ELF2: variants seen among roughly 807,000 people sequenced by gnomAD.
The protein encoded by ELF2 is ETS-related transcription factor Elf-2.
Under a neutral mutation model 54.8 loss-of-function variants are expected in ELF2, and 11 were observed. That is an observed-to-expected ratio of 0.20 (90% CI 0.13 to 0.33). The LOEUF (loss-of-function observed/expected upper bound fraction) is 0.33. Among genes scored for constraint, ELF2 ranks in the 10% least tolerant of loss-of-function variants. The probability of loss-of-function intolerance (pLI) is 1.00; values close to 1 mark genes in which losing one functional copy is unlikely to be tolerated. For synonymous variants in ELF2, 203 were observed against 245.1 expected, an observed-to-expected ratio of 0.83 and a Z score of 1.61; for missense variants, 513 against 703.0, an observed-to-expected ratio of 0.73 and a Z score of 3.06.
intron 4 of ELF2, among the ~76,000 whole-genome samples, chr4:139,082,938 G>A (rs1731332166): frequency 6.6e-6 from 1 of 152,196 alleles, no homozygotes; most frequent in African/African-American, 2.4e-5. Flanking sequence ...TGCAGCAGTG[G>A]CGCCGCACAT....
intron 4 of ELF2, among the ~76,000 whole-genome samples, chr4:139,088,819 C>T (rs1240933559): frequency 6.6e-6 from 1 of 151,902 alleles, no homozygotes; most frequent in Admixed American, 6.6e-5. Flanking sequence ...AGTGCAATGG[C>T]GTGATCTTGG....
At chr4:139,088,729 A>G (rs1318149360) in intron 4 of ELF2, among the ~76,000 whole-genome samples, 1 of 152,088 alleles carries the variant, frequency 6.6e-6, no homozygotes, top group Non-Finnish European at 1.5e-5. Flanking sequence ...CTAGGGGGAT[A>G]AAAGTCCCCC....
At chr4:139,140,269 C>T (rs1203078732) in intron 1 of ELF2, among the ~76,000 whole-genome samples, 1 of 152,188 alleles carries the variant, frequency 6.6e-6, no homozygotes, top group African/African-American at 2.4e-5. Flanking sequence ...ATCCAAACAT[C>T]CCAAGCCCTA....
At chr4:139,117,819 T>A (rs1419918062) in intron 4 of ELF2, 1 of 153,252 alleles carries the variant, frequency 6.5e-6, no homozygotes, top group Admixed American at 6.6e-5. Flanking sequence ...CTGGGCATAG[T>A]GGCACACACC....
chr4:139,118,737 C>T (rs2086916769), intron 4 of ELF2, among the ~76,000 whole-genome samples: 4 of 150,740 alleles, frequency 2.7e-5, no homozygotes, highest in Admixed American at 2.6e-4. Context: ...GAGACATAAA[C>T]AAAGTTAAAC....
At chr4:139,107,610 C>CTAA (rs1254907128) in intron 4 of ELF2, among the ~76,000 whole-genome samples, 1 of 152,064 alleles carries the variant, frequency 6.6e-6, no homozygotes, top group Admixed American at 6.6e-5. Flanking sequence ...AGAGAGGCAT[C>CTAA]TTTACCATGC....
At chr4:139,168,782 G>A (rs904363877) in intron 1 of ELF2, among the ~76,000 whole-genome samples, 1 of 151,966 alleles carries the variant, frequency 6.6e-6, no homozygotes, top group Non-Finnish European at 1.5e-5. Context: ...TGCCCAGGTG[G>A]GTCTCAAACT....
intron 4 of ELF2, among the ~76,000 whole-genome samples, chr4:139,122,300 C>A (rs1238591507): frequency 6.6e-6 from 1 of 152,138 alleles, no homozygotes; most frequent in African/African-American, 2.4e-5. Context: ...CAGTCAGCTT[C>A]TTCTTTAAAA....
At chr4:139,096,950 T>C (rs1201126614) in intron 4 of ELF2, among the ~76,000 whole-genome samples, 1 of 152,144 alleles carries the variant, frequency 6.6e-6, no homozygotes, top group Non-Finnish European at 1.5e-5. Flanking sequence ...TATTAGTTTC[T>C]GGTTTTATTA....
At chr4:139,114,559 T>TCACACACACACACACACACA (rs1410927721) in intron 4 of ELF2, among the ~76,000 whole-genome samples, 3 of 27,570 alleles carry the variant, frequency 1.1e-4, no homozygotes, top group African/African-American at 2.2e-4. Context: ...GAGACTTCAG[T>TCACACACACACACACACACA]CTCACACACA....
intron 1 of ELF2, among the ~76,000 whole-genome samples, chr4:139,154,178 C>T (rs1255200545): frequency 1.3e-5 from 2 of 152,144 alleles, no homozygotes; most frequent in Non-Finnish European, 1.5e-5. Context: ...AAAAGTCTAT[C>T]GGCCACTGTA....
chr4:139,130,616 A>C (rs1390557805), intron 3 of ELF2, among the ~76,000 whole-genome samples: 2 of 152,158 alleles, frequency 1.3e-5, no homozygotes, highest in African/African-American at 2.4e-5. Flanking sequence ...TAATATTACC[A>C]CTGTTCATTG....
At chr4:139,173,533 C>T (rs1371188044) in intron 1 of ELF2, among the ~76,000 whole-genome samples, 13 of 150,394 alleles carry the variant, frequency 8.6e-5, no homozygotes, top group South Asian at 6.3e-4. Context: ...CCGAGGCAGG[C>T]GGATCATGAG....
intron 3 of ELF2, among the ~76,000 whole-genome samples, chr4:139,134,991 T>C (rs867555115): frequency 6.6e-6 from 1 of 152,100 alleles, no homozygotes; most frequent in Non-Finnish European, 1.5e-5. Context: ...GTTTACTATT[T>C]TGGGACATCA....
intron 4 of ELF2, among the ~76,000 whole-genome samples, chr4:139,114,597 A>ACACACACACACAC (rs1370544863): frequency 9.6e-5 from 14 of 145,768 alleles, no homozygotes; most frequent in East Asian, 4.1e-4. Context: ...ACACACACAC[A>ACACACACACACAC]ATTTAGGAGC....
At chr4:139,077,142 T>C (rs958867191) in intron 4 of ELF2, among the ~76,000 whole-genome samples, 2 of 152,200 alleles carry the variant, frequency 1.3e-5, no homozygotes, top group Non-Finnish European at 2.9e-5. Flanking sequence ...AGGTTGGGCA[T>C]GCCTTATCCA....
chr4:139,075,350 G>C (rs1026689417), intron 4 of ELF2, among the ~76,000 whole-genome samples: 2 of 152,172 alleles, frequency 1.3e-5, no homozygotes, highest in Non-Finnish European at 2.9e-5. Flanking sequence ...AACTTCTTGA[G>C]GTCTGGGGGG....
At chr4:139,088,741 C>T (rs1732264593) in intron 4 of ELF2, among the ~76,000 whole-genome samples, 3 of 152,094 alleles carry the variant, frequency 2.0e-5, no homozygotes, top group Non-Finnish European at 4.4e-5. Context: ...AAGTCCCCCA[C>T]CTAGGACTTT....
At chr4:139,175,062 T>TA (rs533525317) in intron 1 of ELF2, among the ~76,000 whole-genome samples, 1 of 152,186 alleles carries the variant, frequency 6.6e-6, no homozygotes, top group East Asian at 1.9e-4. Context: ...AGTAATTTTT[T>TA]AAAAAATTAA....
Sources: allele counts gnomAD v4.1 joint callset (sites outside exome capture counted in the v4.1 genomes callset), GRCh38; gene constraint gnomAD v4.1.1; transcripts MANE v1.5; gene names NCBI Gene and HGNC (gene_info 2026-07-23, HGNC 2026-07-21).